KCNIP1: variants seen among roughly 807,000 people sequenced by gnomAD.
KCNIP1 encodes A-type potassium channel modulatory protein KCNIP1.
In KCNIP1, 18 loss-of-function variants were observed where a neutral mutation model predicts 33.0. The observed-to-expected ratio is 0.55, with a 90% CI of 0.38 to 0.81. The LOEUF is 0.81. KCNIP1 is among the 30% of genes least tolerant of loss of function. KCNIP1 has a pLI of 0.00. For synonymous variants in KCNIP1, 93 were observed against 98.3 expected (o/e 0.95, Z 0.32); for missense variants, 238 against 271.6 (o/e 0.88, Z 0.87).
chr5:170,675,073 G>A (rs534625370), intron 1 of KCNIP1, among the ~76,000 whole-genome samples: 1 of 152,164 alleles, frequency 6.6e-6, no homozygotes, highest in African/African-American at 2.4e-5. Flanking sequence ...AGCTGAGGCA[G>A]GAGGATCGCT....
intron 1 of KCNIP1, among the ~76,000 whole-genome samples, chr5:170,447,085 G>T (rs941892634): frequency 1.4e-5 from 2 of 145,514 alleles, no homozygotes; most frequent in Non-Finnish European, 3.0e-5. Flanking sequence ...CCTCATGCCT[G>T]GCATCACGCC....
intron 1 of KCNIP1, among the ~76,000 whole-genome samples, chr5:170,424,581 G>A (rs1242470806): frequency 6.6e-6 from 1 of 152,134 alleles, no homozygotes; most frequent in Non-Finnish European, 1.5e-5. Flanking sequence ...TAGGGGTGGG[G>A]CAGGGTAGAT....
At chr5:170,469,805 C>A (rs1314567205) in intron 1 of KCNIP1, among the ~76,000 whole-genome samples, 5 of 152,206 alleles carry the variant, frequency 3.3e-5, no homozygotes, top group Non-Finnish European at 7.4e-5. Flanking sequence ...ATTGATCTCT[C>A]TGTCCTTGGG....
intron 1 of KCNIP1, among the ~76,000 whole-genome samples, chr5:170,636,711 A>G (rs1390728753): frequency 1.3e-5 from 2 of 152,042 alleles, no homozygotes; most frequent in Non-Finnish European, 2.9e-5. Flanking sequence ...AAGCATAGAA[A>G]CCAGCTTTTA....
chr5:170,454,683 T>C (rs537191095), intron 1 of KCNIP1, among the ~76,000 whole-genome samples: 1 of 152,318 alleles, frequency 6.6e-6, no homozygotes, highest in African/African-American at 2.4e-5. Context: ...GAGTAGGAAG[T>C]TGGAAATATT....
chr5:170,611,642 C>T (rs978205594), intron 1 of KCNIP1, among the ~76,000 whole-genome samples: 1 of 152,212 alleles, frequency 6.6e-6, no homozygotes, highest in South Asian at 2.1e-4. Context: ...ACCCGGCACA[C>T]CCACCTCCCA....
chr5:170,404,245 TA>T (rs144637511), intron 1 of KCNIP1, among the ~76,000 whole-genome samples: 1 of 152,234 alleles, frequency 6.6e-6, no homozygotes, highest in Non-Finnish European at 1.5e-5. Context: ...TGGAAACTAA[TA>T]AAAAATCATC....
intron 1 of KCNIP1, among the ~76,000 whole-genome samples, chr5:170,476,416 A>C (rs1264528328): frequency 2.0e-5 from 3 of 152,136 alleles, no homozygotes; most frequent in Admixed American, 6.5e-5. Flanking sequence ...CTACATTTTG[A>C]CTGAACTGTC....
chr5:170,732,208 G>T (rs1764230956), intron 5 of KCNIP1, among the ~76,000 whole-genome samples: 1 of 152,312 alleles, frequency 6.6e-6, no homozygotes, highest in Non-Finnish European at 1.5e-5. Flanking sequence ...CCCATTCTGA[G>T]TTGGGCCAGA....
chr5:170,585,245 C>T (rs1757944564), intron 1 of KCNIP1, among the ~76,000 whole-genome samples: 1 of 152,156 alleles, frequency 6.6e-6, no homozygotes, highest in Non-Finnish European at 1.5e-5. Context: ...TAGCAGTGTC[C>T]TTAGAGAACA....
At chr5:170,643,108 A>C (rs765165650) in intron 1 of KCNIP1, among the ~76,000 whole-genome samples, 1 of 152,208 alleles carries the variant, frequency 6.6e-6, no homozygotes, top group Non-Finnish European at 1.5e-5. Context: ...TGTCTTCATA[A>C]GAGGAAGACA....
chr5:170,494,902 C>T (rs1335691004), intron 1 of KCNIP1, among the ~76,000 whole-genome samples: 2 of 152,144 alleles, frequency 1.3e-5, no homozygotes, highest in African/African-American at 2.4e-5. Context: ...GCGAATTACA[C>T]CATGCCTCTG....
chr5:170,372,690 G>C (rs1213775516), intron 1 of KCNIP1, among the ~76,000 whole-genome samples: 2 of 152,234 alleles, frequency 1.3e-5, no homozygotes, highest in Non-Finnish European at 2.9e-5. Context: ...AGAAGCACTA[G>C]ATGATCTCTA....
At chr5:170,452,704 T>A (rs892188891) in intron 1 of KCNIP1, among the ~76,000 whole-genome samples, 1 of 152,240 alleles carries the variant, frequency 6.6e-6, no homozygotes, top group Admixed American at 6.5e-5. Flanking sequence ...CCTCTGCCTT[T>A]ATCCTGACAA....
chr5:170,562,625 T>G (rs1454879667), intron 1 of KCNIP1, among the ~76,000 whole-genome samples: 1 of 152,190 alleles, frequency 6.6e-6, no homozygotes, highest in Non-Finnish European at 1.5e-5. Flanking sequence ...AATGGGTGCC[T>G]CATTTCCTCA....
intron 1 of KCNIP1, among the ~76,000 whole-genome samples, chr5:170,647,352 T>C (rs1760826530): frequency 6.6e-6 from 1 of 152,110 alleles, no homozygotes; most frequent in African/African-American, 2.4e-5. Context: ...AGTTGGAGGA[T>C]TGACACAACC....
chr5:170,493,648 C>A (rs1352532296), intron 1 of KCNIP1, among the ~76,000 whole-genome samples: 2 of 152,196 alleles, frequency 1.3e-5, no homozygotes, highest in Admixed American at 1.3e-4. Flanking sequence ...GACTCCTCTG[C>A]AGTTGGTTAA....
intron 1 of KCNIP1, among the ~76,000 whole-genome samples, chr5:170,689,958 C>G (rs1480177671): frequency 6.6e-6 from 1 of 152,152 alleles, no homozygotes; most frequent in Non-Finnish European, 1.5e-5. Context: ...TACTTAAAAC[C>G]TAAAACCCTT....
intron 1 of KCNIP1, chr5:170,378,728 C>A (rs757101702): frequency 1.2e-6 from 2 of 1,613,282 alleles, no homozygotes; most frequent in Non-Finnish European, 8.5e-7. Flanking sequence ...CCAGGATGGA[C>A]AGGTACTGGT....
Sources: allele counts gnomAD v4.1 joint callset (sites outside exome capture counted in the v4.1 genomes callset), GRCh38; gene constraint gnomAD v4.1.1; transcripts MANE v1.5; gene names NCBI Gene and HGNC (gene_info 2026-07-23, HGNC 2026-07-21).